CLEC16A: variants seen among roughly 807,000 people sequenced by gnomAD.
The protein encoded by CLEC16A is protein CLEC16A.
Under a neutral mutation model 109.5 loss-of-function variants are expected in CLEC16A, and 51 were observed. The observed-to-expected ratio is 0.47, with a 90% CI of 0.37 to 0.59. The LOEUF is 0.59. Among genes scored for constraint, CLEC16A ranks in the 20% least tolerant of loss-of-function variants. CLEC16A has a pLI of 0.00. For synonymous variants in CLEC16A, 673 were observed against 564.2 expected, an observed-to-expected ratio of 1.19 and a Z score of -2.73; for missense variants, 1,339 against 1,394.0, an observed-to-expected ratio of 0.96 and a Z score of 0.63.
chr16:11,016,693 C>T (rs2045775509), intron 11 of CLEC16A, among the ~76,000 whole-genome samples: 1 of 152,196 alleles, frequency 6.6e-6, no homozygotes. Context: ...TACTGGATAG[C>T]TTTCTTTGAA....
Position 10,967,209 on chromosome 16 carries a change from T to G in CLEC16A, c.344-1952T>G, listed in dbSNP as rs116242404. Among the ~76,000 whole-genome samples, 1,068 of 152,270 alleles carry G rather than the reference T, an allele frequency of 7.0e-3. 13 individuals carry two copies. Among genetic ancestry groups the G allele is most frequent in the African/African-American group, 0.024 (1,007 of 41,548 alleles). On this transcript the variant is annotated intron_variant, in intron 3 of 23. Transcript: ENST00000409790. The stretch of plus-strand genomic sequence containing the variant: ...GGAGGACCACGCCACAGGCCCACAC[T>G]GTGGCTTCCATCACGATCCCGGGCT...
intron 9 of CLEC16A, among the ~76,000 whole-genome samples, chr16:10,981,981 C>G (rs2043346880): frequency 6.6e-6 from 1 of 152,214 alleles, no homozygotes; most frequent in African/African-American, 2.4e-5. Flanking sequence ...CCTCCATACT[C>G]AGTTATAGCC....
At chr16:11,073,816 T>C (rs1311303883) in intron 19 of CLEC16A, among the ~76,000 whole-genome samples, 3 of 152,254 alleles carry the variant, frequency 2.0e-5, no homozygotes, top group African/African-American at 7.2e-5. Context: ...ACTCAAGGCT[T>C]CTTGGATTGA....
intron 1 of CLEC16A, among the ~76,000 whole-genome samples, chr16:10,950,392 C>G (rs2041665245): frequency 6.6e-6 from 1 of 152,188 alleles, no homozygotes; most frequent in Admixed American, 6.5e-5. Context: ...CAGTCTTTTC[C>G]CAACAACTGC....
intron 22 of CLEC16A, among the ~76,000 whole-genome samples, chr16:11,145,598 T>C (rs2054018447): frequency 6.6e-6 from 1 of 152,252 alleles, no homozygotes; most frequent in South Asian, 2.1e-4. Context: ...GCCTCTCCCA[T>C]TGCAGCCAAA....
chr16:11,038,732 G>C (rs77598541), intron 13 of CLEC16A, among the ~76,000 whole-genome samples: 1,553 of 152,224 alleles, frequency 0.01, 24 homozygotes, highest in African/African-American at 0.035. Context: ...GATCTCTGCT[G>C]TATTGGTGTC....
At chr16:10,945,173 C>G (rs1048909316) in intron 1 of CLEC16A, among the ~76,000 whole-genome samples, 2 of 152,182 alleles carry the variant, frequency 1.3e-5, no homozygotes, top group Non-Finnish European at 2.9e-5. Context: ...TGGAGTCGGG[C>G]AGATCTGGGT....
chr16:11,177,193 C>G (rs1448015452), intron 23 of CLEC16A, among the ~76,000 whole-genome samples: 7 of 152,224 alleles, frequency 4.6e-5, no homozygotes, highest in Non-Finnish European at 1.0e-4. Flanking sequence ...TTTTTAAACA[C>G]CCGGCATCTG....
At chr16:11,112,574 A>T (rs150653869) in intron 19 of CLEC16A, among the ~76,000 whole-genome samples, 2 of 151,256 alleles carry the variant, frequency 1.3e-5, no homozygotes, top group East Asian at 3.9e-4. Context: ...CTGAGGCAGG[A>T]GGATCGCTTG....
chr16:11,155,493 C>T (rs2153083561), intron 22 of CLEC16A, among the ~76,000 whole-genome samples: 1 of 152,360 alleles, frequency 6.6e-6, no homozygotes. Context: ...TCCGGTTAGC[C>T]ATGTCCCACA....
intron 22 of CLEC16A, among the ~76,000 whole-genome samples, chr16:11,137,461 A>G (rs1316675043): frequency 6.6e-6 from 1 of 152,106 alleles, no homozygotes; most frequent in Non-Finnish European, 1.5e-5. Context: ...GGGATCCAAG[A>G]AAATGAAATG....
chr16:11,160,030 A>G (rs759947800), intron 22 of CLEC16A, among the ~76,000 whole-genome samples: 4 of 152,178 alleles, frequency 2.6e-5, no homozygotes, highest in Admixed American at 6.5e-5. Context: ...ATTCAGAGCC[A>G]ACTGGGTTCC....
chr16:11,029,102 G>C (rs1231964389), intron 13 of CLEC16A, among the ~76,000 whole-genome samples: 1 of 152,218 alleles, frequency 6.6e-6, no homozygotes, highest in Non-Finnish European at 1.5e-5. Flanking sequence ...TGATGGTTCA[G>C]TTAATTGGAG....
chr16:11,093,296 T>C (rs2050419580), intron 19 of CLEC16A, among the ~76,000 whole-genome samples: 1 of 152,220 alleles, frequency 6.6e-6, no homozygotes, highest in East Asian at 1.9e-4. Flanking sequence ...TTGGGACATT[T>C]GGAGAACAAA....
intron 10 of CLEC16A, among the ~76,000 whole-genome samples, chr16:10,995,790 GT>G (rs1447500063): frequency 3.9e-5 from 6 of 152,160 alleles, no homozygotes; most frequent in African/African-American, 1.2e-4. Context: ...GCCTGGGCAT[GT>G]TTTTTGTTAG....
intron 2 of CLEC16A, among the ~76,000 whole-genome samples, chr16:10,959,651 C>G (rs965800266): frequency 6.6e-6 from 1 of 151,804 alleles, no homozygotes; most frequent in Non-Finnish European, 1.5e-5. Flanking sequence ...CTCAGGTTCC[C>G]TAAGTGCTGG....
intron 12 of CLEC16A, among the ~76,000 whole-genome samples, chr16:11,021,639 T>C (rs148073036): frequency 0.016 from 2,394 of 152,028 alleles, 54 homozygotes; most frequent in African/African-American, 0.055. Context: ...TTTACGAAAA[T>C]ATTAAAAAAT....
At chr16:11,092,361 AACACACACACACACACACACACAC>A (rs3030566) in intron 19 of CLEC16A, among the ~76,000 whole-genome samples, 319 of 132,544 alleles carry the variant, frequency 2.4e-3, no homozygotes, top group African/African-American at 8.0e-3. Context: ...AACAAAAACA[AACACACACACACACACACACACAC>A]ACACACACAC....
chr16:10,971,244 T>A lies in CLEC16A; in HGVS notation c.598+14T>A, dbSNP rs201695473. ...ATGTCTATAAAGGTAAGTGTCCTCA[T>A]GGGCTTGTGTCTCGGCTGATTTCTG... On this transcript the variant is annotated intron_variant, in intron 5 of 23. Coordinates refer to ENST00000409790, the MANE Select transcript of CLEC16A (RefSeq NM_015226.3). 2.5e-6 allele frequency: 4 copies of A among 1,571,346 alleles called. No homozygotes were observed. The East Asian group carries it at 6.7e-5, about 26-fold the overall frequency.
Sources: allele counts gnomAD v4.1 joint callset (sites outside exome capture counted in the v4.1 genomes callset), GRCh38; gene constraint gnomAD v4.1.1; transcripts MANE v1.5; gene names NCBI Gene and HGNC (gene_info 2026-07-23, HGNC 2026-07-21).